ESYT2: variants seen among roughly 807,000 people sequenced by gnomAD.
ESYT2 encodes the protein extended synaptotagmin 2, also known as extended synaptotagmin-2.
A neutral mutation model predicts 107.2 loss-of-function variants in ESYT2; 54 were observed. That is an observed-to-expected ratio of 0.50 (90% CI 0.40 to 0.63). The LOEUF (loss-of-function observed/expected upper bound fraction) is 0.63, where lower values mean the gene tolerates loss of function less well. Among genes scored for constraint, ESYT2 ranks in the 30% least tolerant of loss-of-function variants. The pLI, the probability that ESYT2 is intolerant of heterozygous loss-of-function variation, is 0.00. For missense variants in ESYT2, 1,020 were observed against 1,094.5 expected (o/e 0.93, Z 0.96); for synonymous variants, 491 against 434.1 (o/e 1.13, Z -1.63).
chr7:158,803,841 C>CCA (rs1367915336), intron 1 of ESYT2, among the ~76,000 whole-genome samples: 89 of 123,758 alleles, frequency 7.2e-4, no homozygotes, highest in African/African-American at 2.5e-3. Context: ...CAAACCCAAA[C>CCA]CGTCGAGAAG....
chr7:158,774,261 G>A (rs1481097895), intron 6 of ESYT2, among the ~76,000 whole-genome samples: 1 of 152,140 alleles, frequency 6.6e-6, no homozygotes, highest in African/African-American at 2.4e-5. Flanking sequence ...GAAGAGTCAA[G>A]ATTCTTATAG....
At chr7:158,824,344 T>C (rs1840375101) in intron 1 of ESYT2, among the ~76,000 whole-genome samples, 1 of 152,256 alleles carries the variant, frequency 6.6e-6, no homozygotes. Flanking sequence ...GGCTCCTGAA[T>C]TAGCTATGCC....
At chr7:158,771,699 C>T (rs996351983) in intron 7 of ESYT2, among the ~76,000 whole-genome samples, 2 of 152,224 alleles carry the variant, frequency 1.3e-5, no homozygotes, top group Non-Finnish European at 2.9e-5. Flanking sequence ...TCAGAAGACA[C>T]GCCAGCTTTC....
At chr7:158,761,104 G>A (rs1837944017) in intron 11 of ESYT2, among the ~76,000 whole-genome samples, 5 of 152,124 alleles carry the variant, frequency 3.3e-5, no homozygotes, top group Non-Finnish European at 1.5e-5. Flanking sequence ...CACGTGAGAT[G>A]CCTCACTGGC....
chr7:158,827,610 CTTACA>C (rs1304292808), intron 1 of ESYT2: 1 of 152,214 alleles, frequency 6.6e-6, no homozygotes, highest in Non-Finnish European at 1.5e-5. Context: ...TCCCAAGCTC[CTTACA>C]TTATATTCTT....
chr7:158,741,117 G>A (rs1837184820), intron 18 of ESYT2, among the ~76,000 whole-genome samples: 1 of 152,190 alleles, frequency 6.6e-6, no homozygotes, highest in South Asian at 2.1e-4. Flanking sequence ...ATCCAACTAC[G>A]TGAAAGAGCA....
intron 9 of ESYT2, among the ~76,000 whole-genome samples, chr7:158,764,447 T>C (rs1316860477): frequency 1.3e-5 from 2 of 152,222 alleles, no homozygotes; most frequent in South Asian, 2.1e-4. Context: ...TTCAGTATGA[T>C]AGCATTATGT....
Position 158,745,853 on chromosome 7 carries a change from A to T in ESYT2, c.1645-2175T>A, listed in dbSNP as rs145161078. 5.4e-4 allele frequency among the ~76,000 whole-genome samples: 82 copies of T among 152,356 alleles called. No individual in the cohort carries two copies. In the East Asian group the frequency reaches 0.016, roughly 29 times the overall value. ...TGTGAGATGTAGCTACAGAATTTAA[A>T]GTGAAATTTATTGGAGTAAATGCCT... On this transcript the variant is annotated intron_variant, in intron 16 of 22. Transcript: ENST00000275418.
At chr7:158,766,258 G>A (rs1366714226) in intron 8 of ESYT2, among the ~76,000 whole-genome samples, 4 of 152,104 alleles carry the variant, frequency 2.6e-5, no homozygotes, top group South Asian at 2.1e-4. Flanking sequence ...TGGAAAACTC[G>A]AAGCAGCTCT....
At chr7:158,818,439 G>A (rs1840203688) in intron 1 of ESYT2, among the ~76,000 whole-genome samples, 1 of 152,162 alleles carries the variant, frequency 6.6e-6, no homozygotes, top group Non-Finnish European at 1.5e-5. Flanking sequence ...CATTATGGTA[G>A]ATAAATTCTT....
Position 158,739,139 on chromosome 7 carries a change from A to G in ESYT2, c.2169-18T>C. The G allele has an allele frequency of 6.2e-7, 1 of 1,611,422 alleles. No individual in the cohort carries two copies. Reference sequence around the variant, plus strand: ...TCGTCCCGCTGTGGGAAAAGAGCAGAAAGTCACCAGCTTGCCTGAGACTGG... The same window carrying G: ...TCGTCCCGCTGTGGGAAAAGAGCAGGAAGTCACCAGCTTGCCTGAGACTGG... On this transcript the variant is annotated intron_variant, in intron 18 of 22. Transcript: ENST00000275418.
At chr7:158,828,853 T>C (rs6968934) in intron 1 of ESYT2, among the ~76,000 whole-genome samples, 37,736 of 141,186 alleles carry the variant, frequency 0.27, 5,905 homozygotes, top group East Asian at 0.56. Flanking sequence ...CTCACCTAGG[T>C]TGGCAGGTCG....
chr7:158,785,149 ACGGTGGCT>A (rs772208175), intron 6 of ESYT2, among the ~76,000 whole-genome samples: 1 of 152,180 alleles, frequency 6.6e-6, no homozygotes, highest in Non-Finnish European at 1.5e-5. Flanking sequence ...GTGGCCGGGC[ACGGTGGCT>A]CACGCCTGTA....
At chr7:158,736,934 G>C in intron 20 of ESYT2, 114 bp downstream of exon 20, 1 of 1,410,308 alleles carries the variant, frequency 7.1e-7, no homozygotes, top group Non-Finnish European at 9.6e-7. Context: ...GTTTCTGATT[G>C]AACTTCTCAA....
intron 6 of ESYT2, among the ~76,000 whole-genome samples, chr7:158,782,298 A>G (rs560024997): frequency 1.4e-4 from 20 of 144,550 alleles, no homozygotes; most frequent in Non-Finnish European, 2.8e-4. Flanking sequence ...TGTGTGAAAC[A>G]AGTGAACAAG....
chr7:158,780,381 C>T (rs1405982371), intron 6 of ESYT2, among the ~76,000 whole-genome samples: 1 of 152,150 alleles, frequency 6.6e-6, no homozygotes, highest in Admixed American at 6.5e-5. Context: ...AGCATCACAG[C>T]GAACATTTAC....
At chr7:158,761,451 C>G in intron 11 of ESYT2, 45 bp downstream of exon 11, 1 of 1,592,878 alleles carries the variant, frequency 6.3e-7, no homozygotes, top group Non-Finnish European at 8.6e-7. Flanking sequence ...AGGGCAGGGA[C>G]TCAGTCAACA....
intron 1 of ESYT2, among the ~76,000 whole-genome samples, chr7:158,815,162 C>A (rs1840115028): frequency 6.6e-6 from 1 of 152,214 alleles, no homozygotes; most frequent in Admixed American, 6.5e-5. Flanking sequence ...TTCTGTTACA[C>A]TCCTCCGAGT....
chr7:158,782,906 G>A (rs1036743999), intron 6 of ESYT2, among the ~76,000 whole-genome samples: 11 of 152,116 alleles, frequency 7.2e-5, no homozygotes, highest in Non-Finnish European at 1.3e-4. Context: ...GAGACAGGAG[G>A]CTCCAAAGCC....
Sources: allele counts gnomAD v4.1 joint callset (sites outside exome capture counted in the v4.1 genomes callset), GRCh38; gene constraint gnomAD v4.1.1; transcripts MANE v1.5; gene names NCBI Gene and HGNC (gene_info 2026-07-23, HGNC 2026-07-21).